The following MECOM variants were observed in gnomAD, a reference collection of about 807,000 sequenced individuals.
MECOM encodes the protein histone-lysine N-methyltransferase MECOM.
MECOM carries 13 observed loss-of-function variants against 116.3 expected under a neutral mutation model. The ratio of observed to expected loss-of-function variants is 0.11; its 90% CI spans 0.07 to 0.18. The LOEUF is 0.18. MECOM is among the 10% of genes least tolerant of loss of function. The pLI is 1.00. For missense variants in MECOM, 1,299 were observed against 1,509.0 expected, an observed-to-expected ratio of 0.86 and a Z score of 2.31; for synonymous variants, 528 against 535.2, an observed-to-expected ratio of 0.99 and a Z score of 0.19.
chr3:169,550,980 C>T lies in MECOM; in HGVS notation c.37+112356G>A, dbSNP rs557395815. On this transcript the variant is annotated intron_variant, in intron 1 of 16. Coordinates refer to ENST00000651503, the MANE Select transcript of MECOM (RefSeq NM_004991.4). ...CTGGGACTACAGGCGCCCGCCACTA[C>T]GCCCGGCTAATTTTTTGTATTTTTA... Among the ~76,000 whole-genome samples, 237 of 114,510 alleles carry T rather than the reference C, an allele frequency of 2.1e-3. 29 individuals carry two copies. The highest frequency in any genetic ancestry group is 6.6e-3 in the African/African-American group (230 of 34,760). 75.1% of individuals were successfully genotyped at this position (114,510 alleles called of 152,430 possible).
chr3:169,334,974 A>C (rs2149781218), intron 2 of MECOM, among the ~76,000 whole-genome samples: 1 of 152,280 alleles, frequency 6.6e-6, no homozygotes, highest in Middle Eastern at 3.4e-3. Flanking sequence ...TCAAAAGAGG[A>C]AAAATAGTGT....
At chr3:169,625,042 A>G (rs1209034347) in intron 1 of MECOM, among the ~76,000 whole-genome samples, 1 of 151,970 alleles carries the variant, frequency 6.6e-6, no homozygotes, top group Non-Finnish European at 1.5e-5. Context: ...TGGAAAAAAA[A>G]AAAAAAAGAA....
Position 169,194,219 on chromosome 3 carries a change from T to C in MECOM, c.376-50387A>G, listed in dbSNP as rs375974889. Among the ~76,000 whole-genome samples the C allele has an allele frequency of 1.4e-4, 22 of 152,086 alleles. No homozygotes were observed. The East Asian group carries it at 3.7e-3, about 25-fold the overall frequency. On this transcript the variant is annotated intron_variant, in intron 2 of 16. Transcript: ENST00000651503. ...TATATAAAAAAATCTTAAAAAATGC[T>C]TGTTTGTCACTGCATGTTCTCACTC...
At chr3:169,631,028 T>C (rs16854236) in intron 1 of MECOM, among the ~76,000 whole-genome samples, 1 of 152,186 alleles carries the variant, frequency 6.6e-6, no homozygotes, top group Admixed American at 6.5e-5. Flanking sequence ...ATTGATGTCC[T>C]CCTCCATCAG....
At chr3:169,382,879 A>AAAAAAAAAAAGAAG (rs1358767356) in intron 1 of MECOM, among the ~76,000 whole-genome samples, 52 of 138,526 alleles carry the variant, frequency 3.8e-4, no homozygotes, top group African/African-American at 9.9e-4. Context: ...AAAAATAAAA[A>AAAAAAAAAAAGAAG]AAGAAGGTAA....
chr3:169,309,517 T>A (rs1718338563), intron 2 of MECOM, among the ~76,000 whole-genome samples: 2 of 152,218 alleles, frequency 1.3e-5, no homozygotes, highest in African/African-American at 4.8e-5. Context: ...AACAGAAAGC[T>A]GTGGGATGTA....
At chr3:169,367,121 T>G (rs1311581689) in intron 2 of MECOM, among the ~76,000 whole-genome samples, 1 of 152,048 alleles carries the variant, frequency 6.6e-6, no homozygotes, top group African/African-American at 2.4e-5. Flanking sequence ...ATTGAATAAG[T>G]GTCTCTGTAT....
intron 5 of MECOM, among the ~76,000 whole-genome samples, chr3:169,124,026 C>T (rs1283983299): frequency 6.6e-6 from 1 of 152,042 alleles, no homozygotes; most frequent in Non-Finnish European, 1.5e-5. Context: ...AGGGAAGGTT[C>T]TCTACGCGAA....
intron 2 of MECOM, among the ~76,000 whole-genome samples, chr3:169,186,800 T>C (rs911565220): frequency 1.3e-5 from 2 of 152,020 alleles, no homozygotes; most frequent in African/African-American, 2.4e-5. Flanking sequence ...AAAGTGATGA[T>C]TGGGGATTAA....
chr3:169,515,930 G>T (rs990107862), intron 1 of MECOM, among the ~76,000 whole-genome samples: 8 of 152,118 alleles, frequency 5.3e-5, no homozygotes, highest in Non-Finnish European at 1.0e-4. Flanking sequence ...TGACTGGGGG[G>T]AAAATGCTGA....
chr3:169,571,455 T>C (rs892298842), intron 1 of MECOM, among the ~76,000 whole-genome samples: 4 of 152,186 alleles, frequency 2.6e-5, no homozygotes, highest in African/African-American at 9.7e-5. Context: ...CCCATCAAGC[T>C]ACCATTGACT....
intron 1 of MECOM, chr3:169,483,817 T>C (rs998288167): frequency 9.3e-6 from 15 of 1,611,838 alleles, no homozygotes; most frequent in Non-Finnish European, 1.3e-5. Flanking sequence ...TTCAAATACC[T>C]TTTGGAGAAA....
chr3:169,473,354 A>C (rs1560320156), intron 1 of MECOM, among the ~76,000 whole-genome samples: 1 of 152,222 alleles, frequency 6.6e-6, no homozygotes, highest in Non-Finnish European at 1.5e-5. Flanking sequence ...AAAAAAGAGA[A>C]AAGAGAGACC....
At chr3:169,478,325 G>A (rs1350682490) in intron 1 of MECOM, among the ~76,000 whole-genome samples, 1 of 152,104 alleles carries the variant, frequency 6.6e-6, no homozygotes, top group East Asian at 1.9e-4. Context: ...TATGCGGTAT[G>A]GTTTTTGTCA....
intron 1 of MECOM, among the ~76,000 whole-genome samples, chr3:169,406,825 G>A (rs1403044): frequency 0.052 from 7,719 of 148,966 alleles, 256 homozygotes; most frequent in African/African-American, 0.092. Flanking sequence ...CTATTTCAAG[G>A]TTATTTGGTT....
At chr3:169,135,983 G>A (rs1736242005) in intron 3 of MECOM, among the ~76,000 whole-genome samples, 1 of 151,608 alleles carries the variant, frequency 6.6e-6, no homozygotes, top group Non-Finnish European at 1.5e-5. Context: ...TTTTACCACT[G>A]GTAAAACCCA....
chr3:169,139,920 C>T (rs1737585913), intron 3 of MECOM, among the ~76,000 whole-genome samples: 1 of 148,690 alleles, frequency 6.7e-6, no homozygotes. Flanking sequence ...AAGACAGCTA[C>T]AAGACTTTAA....
intron 4 of MECOM, 39 bp downstream of exon 4, chr3:169,131,390 T>C (rs1734638290): frequency 6.7e-7 from 1 of 1,497,506 alleles, no homozygotes; most frequent in Non-Finnish European, 9.3e-7. Flanking sequence ...ATAGTCGCGA[T>C]GATAAGGTGA....
At chr3:169,595,773 G>C (rs1047446954) in intron 1 of MECOM, among the ~76,000 whole-genome samples, 1 of 152,124 alleles carries the variant, frequency 6.6e-6, no homozygotes. Flanking sequence ...GCAGTTACTT[G>C]GCTATAGGAT....
Sources: allele counts gnomAD v4.1 joint callset (sites outside exome capture counted in the v4.1 genomes callset), GRCh38; gene constraint gnomAD v4.1.1; transcripts MANE v1.5; gene names NCBI Gene and HGNC (gene_info 2026-07-23, HGNC 2026-07-21).